MTA3: variants seen among roughly 807,000 people sequenced by gnomAD.
The protein encoded by MTA3 is metastasis associated 1 family member 3.
In MTA3, 34 loss-of-function variants were observed where a neutral mutation model predicts 83.5. The observed-to-expected ratio is 0.41, with a 90% CI of 0.31 to 0.54. The LOEUF is 0.54. Among genes scored for constraint, MTA3 ranks in the 20% least tolerant of loss-of-function variants. The probability of loss-of-function intolerance (pLI) is 0.33; values close to 1 mark genes in which losing one functional copy is unlikely to be tolerated. For missense variants in MTA3, 761 were observed against 726.4 expected, an observed-to-expected ratio of 1.05 and a Z score of -0.55; for synonymous variants, 303 against 252.7, an observed-to-expected ratio of 1.20 and a Z score of -1.89.
intron 9 of MTA3, chr2:42,682,800 C>T (rs542365800): frequency 3.1e-4 from 153 of 489,804 alleles, no homozygotes; most frequent in African/African-American, 4.0e-4. Flanking sequence ...AGGCCGGGTA[C>T]GGTGGCTCAC....
chr2:42,666,839 A>C (rs1006770535), intron 8 of MTA3, among the ~76,000 whole-genome samples: 1 of 152,214 alleles, frequency 6.6e-6, no homozygotes, highest in South Asian at 2.1e-4. Context: ...GAGAATGAGT[A>C]AATTAGCTTC....
At chr2:42,613,399 A>G (rs992217904) in intron 4 of MTA3, among the ~76,000 whole-genome samples, 1 of 152,160 alleles carries the variant, frequency 6.6e-6, no homozygotes, top group Non-Finnish European at 1.5e-5. Flanking sequence ...TTTAGCCATC[A>G]TTTTTAAACA....
At chr2:42,594,728 A>ATATATATATATATATATTTT in intron 3 of MTA3, among the ~76,000 whole-genome samples, 32 of 24,028 alleles carry the variant, frequency 1.3e-3, no homozygotes, top group African/African-American at 3.4e-3. Flanking sequence ...ATATATATAT[A>ATATATATATATATATATTTT]TTTTTTTTTT....
At chr2:42,738,122 C>A (rs957043184) in intron 16 of MTA3, among the ~76,000 whole-genome samples, 4 of 152,084 alleles carry the variant, frequency 2.6e-5, no homozygotes, top group Non-Finnish European at 2.9e-5. Flanking sequence ...ATTAGCTGAT[C>A]ATGGTGGCAT....
At chr2:42,564,384 C>T (rs1250283796), upstream of MTA3, among the ~76,000 whole-genome samples, 1 of 152,122 alleles carries the variant, frequency 6.6e-6, no homozygotes, top group Non-Finnish European at 1.5e-5. Context: ...ATGTTTTTTG[C>T]ACAGGAGATC....
At chr2:42,705,497 G>A (rs965718156) in intron 12 of MTA3, among the ~76,000 whole-genome samples, 2 of 152,168 alleles carry the variant, frequency 1.3e-5, no homozygotes, top group Non-Finnish European at 2.9e-5. Flanking sequence ...CTGAGGTCAG[G>A]AGTTCGAGAC....
chr2:42,646,099 A>G (rs1416216999), intron 6 of MTA3, among the ~76,000 whole-genome samples: 1 of 152,216 alleles, frequency 6.6e-6, no homozygotes, highest in Non-Finnish European at 1.5e-5. Flanking sequence ...TAGAACAACA[A>G]AGCCTAAATG....
intron 2 of MTA3, among the ~76,000 whole-genome samples, chr2:42,513,654 CAG>C (rs1675001235): frequency 6.6e-6 from 1 of 152,118 alleles, no homozygotes; most frequent in South Asian, 2.1e-4. Flanking sequence ...ACTTCCAGGA[CAG>C]AGAGAGACAA....
intron 2 of MTA3, among the ~76,000 whole-genome samples, chr2:42,549,172 T>G (rs1370614841): frequency 2.9e-5 from 4 of 138,108 alleles, no homozygotes; most frequent in Admixed American, 2.6e-4. Flanking sequence ...AAACTCCATC[T>G]TAAAATATAT....
In MTA3 at chr2:42,570,739, G is replaced by A. The variant is rs560827623; in HGVS notation, c.96+235G>A. ...AAAAAGTAAAAATATGGCTGGGTGC[G>A]GTGGCTCATGCCTGTAATCTCAGCA... On this transcript the variant is annotated intron_variant, in intron 2 of 16. Coordinates refer to ENST00000405094, the MANE Select transcript of MTA3 (RefSeq NM_001330442.2). Among the ~76,000 whole-genome samples the A allele has an allele frequency of 9.9e-4, 150 of 151,992 alleles. 1 individual carries two copies. Among genetic ancestry groups the A allele is most frequent in the African/African-American group, 2.6e-3 (107 of 41,456 alleles).
At chr2:42,644,001 A>T in intron 5 of MTA3, 126 bp from the exon 6 acceptor site, 1 of 534,290 alleles carries the variant, frequency 1.9e-6, no homozygotes, top group East Asian at 3.2e-5. Flanking sequence ...TTATGAGTTT[A>T]TTCACCAAAA....
intron 2 of MTA3, among the ~76,000 whole-genome samples, chr2:42,576,743 C>A (rs1374265309): frequency 6.6e-6 from 1 of 150,986 alleles, no homozygotes; most frequent in African/African-American, 2.4e-5. Context: ...ACTAAAAGTG[C>A]AAAATTAGCC....
chr2:42,520,987 A>C (rs559829182), intron 2 of MTA3, among the ~76,000 whole-genome samples: 1 of 152,286 alleles, frequency 6.6e-6, no homozygotes, highest in African/African-American at 2.4e-5. Flanking sequence ...AACAAATGGC[A>C]AACTCCTTGT....
chr2:42,747,292 G>A (rs1013445018), intron 16 of MTA3, among the ~76,000 whole-genome samples: 3 of 152,096 alleles, frequency 2.0e-5, no homozygotes, highest in Non-Finnish European at 2.9e-5. Context: ...GAGCCACTGC[G>A]CCTGGCCCCC....
chr2:42,649,346 G>C (rs1688493970), intron 6 of MTA3, among the ~76,000 whole-genome samples: 2 of 151,912 alleles, frequency 1.3e-5, no homozygotes, highest in African/African-American at 2.4e-5. Flanking sequence ...GCAGTGAGCA[G>C]AGGTTGCAGT....
intron 6 of MTA3, among the ~76,000 whole-genome samples, chr2:42,647,073 G>A (rs1214132654): frequency 2.7e-5 from 4 of 150,030 alleles, no homozygotes; most frequent in Non-Finnish European, 3.0e-5. Context: ...GGAGAATGGC[G>A]TGGAACCCAG....
At chr2:42,667,574 G>GTGTGTGTGTGTGTT (rs1558562141) in intron 8 of MTA3, among the ~76,000 whole-genome samples, 11 of 121,168 alleles carry the variant, frequency 9.1e-5, no homozygotes, top group Admixed American at 5.6e-4. Flanking sequence ...TAAAAATTGT[G>GTGTGTGTGTGTGTT]TGTGTGTGTG....
intron 3 of MTA3, among the ~76,000 whole-genome samples, chr2:42,602,989 A>T (rs1682769372): frequency 6.6e-6 from 1 of 152,006 alleles, no homozygotes; most frequent in South Asian, 2.1e-4. Flanking sequence ...TATAGTACTC[A>T]CCAAATCTGA....
At chr2:42,672,575 G>A (rs1690914875) in intron 8 of MTA3, among the ~76,000 whole-genome samples, 2 of 150,056 alleles carry the variant, frequency 1.3e-5, no homozygotes, top group African/African-American at 2.5e-5. Context: ...AGCCTGGGAG[G>A]TGGAGATTGC....
Sources: allele counts gnomAD v4.1 joint callset (sites outside exome capture counted in the v4.1 genomes callset), GRCh38; gene constraint gnomAD v4.1.1; transcripts MANE v1.5; gene names NCBI Gene and HGNC (gene_info 2026-07-23, HGNC 2026-07-21).